The following CDH12 variants were observed in gnomAD, a reference collection of about 807,000 sequenced individuals.
CDH12 encodes the protein cadherin 12.
A neutral mutation model predicts 74.1 loss-of-function variants in CDH12; 41 were observed. That is an observed-to-expected ratio of 0.55 (90% CI 0.43 to 0.72). CDH12 has a LOEUF of 0.72. Ranked by LOEUF, CDH12 falls within the 30% of genes least tolerant of loss-of-function variation. The pLI is 0.00. For synonymous variants in CDH12, 399 were observed against 355.0 expected (o/e 1.12, Z -1.39); for missense variants, 945 against 977.2 (o/e 0.97, Z 0.44).
At chr5:22,206,382 T>C (rs1751218701) in intron 4 of CDH12, among the ~76,000 whole-genome samples, 1 of 152,012 alleles carries the variant, frequency 6.6e-6, no homozygotes, top group Non-Finnish European at 1.5e-5. Context: ...CATAATAGAG[T>C]TACCTGGGAA....
chr5:22,280,364 AC>A (rs1736823630), intron 3 of CDH12, among the ~76,000 whole-genome samples: 1 of 152,192 alleles, frequency 6.6e-6, no homozygotes, highest in Admixed American at 6.5e-5. Flanking sequence ...GCAAGAAATA[AC>A]TAAGATCAGA....
chr5:22,589,849 C>T (rs775100293), intron 1 of CDH12, among the ~76,000 whole-genome samples: 1 of 152,012 alleles, frequency 6.6e-6, no homozygotes, highest in South Asian at 2.1e-4. Flanking sequence ...CCTGATATTA[C>T]CTATCATTTT....
intron 1 of CDH12, among the ~76,000 whole-genome samples, chr5:22,508,325 G>T (rs1399496495): frequency 6.6e-6 from 1 of 152,006 alleles, no homozygotes; most frequent in Admixed American, 6.6e-5. Context: ...CCTTGTATAT[G>T]GTGACTTACT....
intron 1 of CDH12, among the ~76,000 whole-genome samples, chr5:22,701,669 C>A (rs1007821755): frequency 6.6e-6 from 1 of 151,940 alleles, no homozygotes; most frequent in Non-Finnish European, 1.5e-5. Flanking sequence ...TTGGGAGGAA[C>A]CTTCTACTCC....
chr5:22,436,746 T>C (rs1744411846), intron 2 of CDH12, among the ~76,000 whole-genome samples: 1 of 152,126 alleles, frequency 6.6e-6, no homozygotes, highest in Non-Finnish European at 1.5e-5. Context: ...TTGTTGTTGT[T>C]CTAGCAAAAT....
chr5:22,059,259 C>G lies in CDH12; in HGVS notation c.231+19187G>C, dbSNP rs929807899. On this transcript the variant is annotated intron_variant, in intron 5 of 14. Transcript: ENST00000382254. ...AAGTTCAGTTTTCCTTGTACTCTAT[C>G]TATCTATCTATCTATCTATCTATCT... 2.1e-5 allele frequency among the ~76,000 whole-genome samples: 3 copies of G among 146,040 alleles called. No individual in the cohort carries two copies. In the South Asian group the frequency reaches 6.4e-4, roughly 31 times the overall value.
chr5:22,106,534 A>C (rs191556680), intron 4 of CDH12, among the ~76,000 whole-genome samples: 1 of 152,332 alleles, frequency 6.6e-6, no homozygotes, highest in Non-Finnish European at 1.5e-5. Flanking sequence ...TCTAAACTAC[A>C]GACACTCTTC....
chr5:22,483,833 A>G (rs540408909), intron 2 of CDH12, among the ~76,000 whole-genome samples: 1 of 135,324 alleles, frequency 7.4e-6, no homozygotes, highest in Admixed American at 8.0e-5. Flanking sequence ...AGATGGGAGG[A>G]TCACTTGAGC....
At chr5:22,108,098 T>C (rs1744594138) in intron 4 of CDH12, among the ~76,000 whole-genome samples, 1 of 152,184 alleles carries the variant, frequency 6.6e-6, no homozygotes, top group Non-Finnish European at 1.5e-5. Context: ...TGAATTGTAA[T>C]AATCCCCATG....
chr5:22,732,424 T>C (rs1051788461), intron 1 of CDH12, among the ~76,000 whole-genome samples: 1 of 150,880 alleles, frequency 6.6e-6, no homozygotes, highest in African/African-American at 2.4e-5. Context: ...AGGGAGACAA[T>C]TCAGTCTATA....
chr5:22,420,686 T>G (rs2126495197), intron 2 of CDH12, among the ~76,000 whole-genome samples: 1 of 152,222 alleles, frequency 6.6e-6, no homozygotes, highest in Admixed American at 6.5e-5. Context: ...CAAAATACTT[T>G]TAAACTATTA....
chr5:21,842,098 CA>C (rs1749896913), intron 8 of CDH12, 62 bp downstream of exon 8: 4 of 1,249,872 alleles, frequency 3.2e-6, no homozygotes, highest in Non-Finnish European at 4.5e-6. Flanking sequence ...CCATAGCATT[CA>C]ATGACACCAT....
chr5:21,843,881 C>G (rs1264204249), intron 7 of CDH12, among the ~76,000 whole-genome samples: 1 of 152,074 alleles, frequency 6.6e-6, no homozygotes, highest in Non-Finnish European at 1.5e-5. Flanking sequence ...TAGATAGATG[C>G]CTGGGTTTGA....
At chr5:21,821,614 A>C (rs1748374728) in intron 8 of CDH12, among the ~76,000 whole-genome samples, 1 of 151,986 alleles carries the variant, frequency 6.6e-6, no homozygotes, top group Admixed American at 6.6e-5. Context: ...ATATTTAATA[A>C]TACAAGAACA....
intron 13 of CDH12, among the ~76,000 whole-genome samples, chr5:21,759,233 T>A (rs1744575761): frequency 6.6e-6 from 1 of 151,860 alleles, no homozygotes. Flanking sequence ...CAGGTAGAAT[T>A]TTTTATCTGT....
At chr5:22,186,591 C>T (rs1366374948) in intron 4 of CDH12, among the ~76,000 whole-genome samples, 3 of 152,194 alleles carry the variant, frequency 2.0e-5, no homozygotes, top group Non-Finnish European at 4.4e-5. Context: ...CTGCCTCAGA[C>T]TCCTGAGAAT....
At chr5:22,533,879 C>T (rs2126708025) in intron 1 of CDH12, among the ~76,000 whole-genome samples, 1 of 152,232 alleles carries the variant, frequency 6.6e-6, no homozygotes, top group Middle Eastern at 3.4e-3. Context: ...TATACACAGA[C>T]ATAATATTTA....
intron 9 of CDH12, among the ~76,000 whole-genome samples, chr5:21,808,322 C>T (rs1424350348): frequency 6.6e-6 from 1 of 151,978 alleles, no homozygotes; most frequent in Non-Finnish European, 1.5e-5. Context: ...GTGGTTTTGT[C>T]CCTTTTTACT....
At chr5:22,660,913 C>T (rs1380090015) in intron 1 of CDH12, among the ~76,000 whole-genome samples, 2 of 152,018 alleles carry the variant, frequency 1.3e-5, no homozygotes, top group African/African-American at 2.4e-5. Context: ...TGATTAAAAA[C>T]ACTTTGCTTT....
Sources: gnomAD v4.1 joint callset for allele counts (sites outside exome capture counted in the v4.1 genomes callset) on GRCh38, gnomAD v4.1.1 for gene constraint, MANE v1.5 for transcripts, NCBI Gene and HGNC (gene_info 2026-07-23, HGNC 2026-07-21) for gene names.